Variants in NCMAP observed in about 807,000 individuals in gnomAD.
NCMAP encodes the protein noncompact myelin-associated protein.
In NCMAP, 8 loss-of-function variants were observed where a neutral mutation model predicts 7.8. The observed-to-expected ratio is 1.02, with a 90% CI of 0.60 to 1.84. The LOEUF (loss-of-function observed/expected upper bound fraction) is 1.84. NCMAP is among the 40% of genes most tolerant of loss of function. NCMAP has a pLI of 0.00. For missense variants in NCMAP, 112 were observed against 131.4 expected (o/e 0.85, Z 0.72); for synonymous variants, 41 against 52.9 (o/e 0.78, Z 0.98).
chr1:24,586,621 C>T (rs901754260), intron 1 of NCMAP, among the ~76,000 whole-genome samples: 3 of 152,034 alleles, frequency 2.0e-5, no homozygotes, highest in Admixed American at 1.3e-4. Context: ...ATTAGCTGGG[C>T]GTGGTGGCAG....
intron 1 of NCMAP, among the ~76,000 whole-genome samples, chr1:24,562,791 C>A (rs1386221858): frequency 6.6e-6 from 1 of 152,226 alleles, no homozygotes; most frequent in East Asian, 1.9e-4. Context: ...CCACCCCCAG[C>A]TGGGGGAAAC....
At chr1:24,577,424 T>TGG (rs1237771963) in intron 1 of NCMAP, among the ~76,000 whole-genome samples, 14 of 145,528 alleles carry the variant, frequency 9.6e-5, no homozygotes, top group African/African-American at 3.3e-4. Flanking sequence ...TTTTTTTTTT[T>TGG]TTTTTTTGGT....
At chr1:24,605,031 G>A (rs1310943359) in intron 3 of NCMAP, among the ~76,000 whole-genome samples, 4 of 151,742 alleles carry the variant, frequency 2.6e-5, no homozygotes, top group East Asian at 3.9e-4. Flanking sequence ...CAGGAGAATC[G>A]CTTGAACCCA....
chr1:24,590,425 T>C (rs1652010746), intron 1 of NCMAP, among the ~76,000 whole-genome samples: 1 of 152,198 alleles, frequency 6.6e-6, no homozygotes, highest in Non-Finnish European at 1.5e-5. Context: ...CTGGTGAGTC[T>C]TCTTAGCTTG....
intron 3 of NCMAP, among the ~76,000 whole-genome samples, chr1:24,602,546 G>A (rs1652541005): frequency 7.7e-6 from 1 of 129,220 alleles, no homozygotes; most frequent in East Asian, 2.3e-4. Context: ...CTCCCGCCTG[G>A]GCGACAGAAC....
Position 24,581,141 on chromosome 1 carries a change from G to T in NCMAP, c.-7-14283G>T, listed in dbSNP as rs1205686764. Among the ~76,000 whole-genome samples, 7 of 149,356 alleles carry T rather than the reference G, an allele frequency of 4.7e-5. No homozygotes were observed. The South Asian group carries it at 8.4e-4, about 18-fold the overall frequency. On this transcript the variant is annotated intron_variant, in intron 1 of 3. Coordinates refer to ENST00000374392, the MANE Select transcript of NCMAP (RefSeq NM_001010980.5). ...TTTCTGCTTTTTTTTTTTTTGAGAC[G>T]AGGTCTCGCTGCGATGCCAGGCTGG...
At chr1:24,582,093 ACTCTTTCTCTGTCCGT>A (rs2148931401) in intron 1 of NCMAP, among the ~76,000 whole-genome samples, 1 of 151,814 alleles carries the variant, frequency 6.6e-6, no homozygotes, top group Middle Eastern at 3.4e-3. Context: ...CGGCTCCAGG[ACTCTTTCTCTGTCCGT>A]CTCTCACAGC....
intron 1 of NCMAP, among the ~76,000 whole-genome samples, chr1:24,593,456 G>A (rs969725417): frequency 4.6e-5 from 7 of 152,130 alleles, no homozygotes; most frequent in Admixed American, 2.0e-4. Flanking sequence ...TTACATCACT[G>A]CACTCCAGCT....
rs1395248408 is a variant in NCMAP, at chr1:24,605,795, A to T, written c.*48A>T. 1 of 1,602,574 alleles carries T rather than the reference A, an allele frequency of 6.2e-7. No homozygotes were observed. The highest frequency in any genetic ancestry group is 1.1e-5 in the South Asian group (1 of 90,658). On this transcript the variant is annotated 3_prime_UTR_variant, in exon 4 of 4. Coordinates refer to ENST00000374392, the MANE Select transcript of NCMAP (RefSeq NM_001010980.5). ...ACCACTGTCCAAAGAGCCTCTCCAG[A>T]GTCAAGACCCAGAGGCACACTCTCT...
intron 1 of NCMAP, among the ~76,000 whole-genome samples, chr1:24,562,011 T>G (rs1481156249): frequency 6.6e-6 from 1 of 152,228 alleles, no homozygotes; most frequent in Non-Finnish European, 1.5e-5. Context: ...TAGTTCTTGC[T>G]GGAAAATGAA....
intron 1 of NCMAP, among the ~76,000 whole-genome samples, chr1:24,558,809 A>G (rs1650974175): frequency 6.6e-6 from 1 of 152,198 alleles, no homozygotes; most frequent in Non-Finnish European, 1.5e-5. Flanking sequence ...ACAGCTTTCC[A>G]CACTCAGTAA....
Position 24,556,156 on chromosome 1 carries a change from G to A in NCMAP, c.-21G>A, listed in dbSNP as rs547096710. The A allele has an allele frequency of 6.5e-6, 1 of 152,768 alleles. No homozygotes were observed. Among genetic ancestry groups the A allele is most frequent in the Non-Finnish European group, 1.5e-5 (1 of 68,168 alleles). The allele number at this position is 152,768 out of a possible 1,614,324, so 9.5% of individuals were successfully genotyped here. The stretch of plus-strand genomic sequence containing the variant: ...CGGTGCCGGCGGGAGGCCGAGCGGG[G>A]CTCGACAGAGCAGGTAGGAGGCGCC... On this transcript the variant is annotated 5_prime_UTR_variant, in exon 1 of 4. Transcript: ENST00000374392.
In NCMAP at chr1:24,609,186, C is replaced by T. The variant is rs974905893; in HGVS notation, c.*3439C>T. 6.6e-6 allele frequency: 1 copy of T among 152,160 alleles called. No homozygotes were observed. Among genetic ancestry groups the T allele is most frequent in the African/African-American group, 2.4e-5 (1 of 41,422 alleles). 9.4% of individuals were successfully genotyped at this position (152,160 alleles called of 1,614,324 possible). ...CAAGGAGTTAGCAGCTGGTCTCATG[C>T]AGGGATCTCACCACGTGGTTATGTA... On this transcript the variant is annotated 3_prime_UTR_variant, in exon 4 of 4. Transcript: ENST00000374392.
intron 1 of NCMAP, among the ~76,000 whole-genome samples, chr1:24,583,718 A>G (rs55861293): frequency 0.012 from 459 of 39,360 alleles, 19 homozygotes; most frequent in Middle Eastern, 0.024. Flanking sequence ...TCCGTCTCAG[A>G]AAAAAAAAAA....
At chr1:24,597,954 G>T (rs765717426) in intron 2 of NCMAP, among the ~76,000 whole-genome samples, 3 of 151,500 alleles carry the variant, frequency 2.0e-5, no homozygotes, top group Non-Finnish European at 4.4e-5. Flanking sequence ...AGATATCTTA[G>T]TAGTCACAGT....
chr1:24,592,218 G>A (rs1652067892), intron 1 of NCMAP, among the ~76,000 whole-genome samples: 1 of 152,178 alleles, frequency 6.6e-6, no homozygotes, highest in Non-Finnish European at 1.5e-5. Flanking sequence ...CGAGTGAAGG[G>A]CTTTCACTAC....
intron 1 of NCMAP, among the ~76,000 whole-genome samples, chr1:24,559,053 T>G (rs556599516): frequency 4.1e-4 from 63 of 152,330 alleles, no homozygotes; most frequent in African/African-American, 1.5e-3. Flanking sequence ...TATTTGATAT[T>G]GAAGAGAAAT....
intron 3 of NCMAP, among the ~76,000 whole-genome samples, chr1:24,604,083 T>C (rs1459204216): frequency 6.6e-6 from 1 of 152,188 alleles, no homozygotes; most frequent in African/African-American, 2.4e-5. Context: ...CTTTTATAAT[T>C]GGCATTAATG....
At chr1:24,594,761 A>C (rs1652161684) in intron 1 of NCMAP, among the ~76,000 whole-genome samples, 1 of 152,132 alleles carries the variant, frequency 6.6e-6, no homozygotes, top group South Asian at 2.1e-4. Context: ...TTGGTGGCAC[A>C]TGCCTGTAGT....
Sources: gnomAD v4.1 joint callset for allele counts (sites outside exome capture counted in the v4.1 genomes callset) on GRCh38, gnomAD v4.1.1 for gene constraint, MANE v1.5 for transcripts, NCBI Gene and HGNC (gene_info 2026-07-23, HGNC 2026-07-21) for gene names.